The following INPP5A variants were observed in gnomAD, a reference collection of about 807,000 sequenced individuals.
INPP5A encodes 43 kDa inositol polyphosphate 5-phophatase.
In INPP5A, 14 loss-of-function variants were observed where a neutral mutation model predicts 65.2. The observed-to-expected ratio is 0.21, with a 90% CI of 0.14 to 0.34. The LOEUF (loss-of-function observed/expected upper bound fraction) is 0.34. Ranked by LOEUF, INPP5A falls within the 10% of genes least tolerant of loss-of-function variation. The pLI is 1.00. For missense variants in INPP5A, 431 were observed against 545.6 expected, an observed-to-expected ratio of 0.79 and a Z score of 2.09; for synonymous variants, 207 against 208.3, an observed-to-expected ratio of 0.99 and a Z score of 0.05.
chr10:132,751,310 G>T (rs1354371051), intron 11 of INPP5A, among the ~76,000 whole-genome samples: 1 of 152,202 alleles, frequency 6.6e-6, no homozygotes, highest in East Asian at 1.9e-4. Context: ...GTCAGGCCTT[G>T]GTGTCCTGTC....
intron 2 of INPP5A, among the ~76,000 whole-genome samples, chr10:132,635,690 C>T (rs560765762): frequency 1.5e-4 from 23 of 151,804 alleles, no homozygotes; most frequent in African/African-American, 2.9e-4. Context: ...CCATTGCGCC[C>T]GGCCCTTTTT....
chr10:132,656,282 C>G (rs574160074), intron 4 of INPP5A, among the ~76,000 whole-genome samples: 50 of 152,378 alleles, frequency 3.3e-4, no homozygotes, highest in Middle Eastern at 6.8e-3. Context: ...CCCCACTCTC[C>G]TCTTCATCCA....
At chr10:132,557,265 C>G (rs1214936841) in intron 1 of INPP5A, among the ~76,000 whole-genome samples, 1 of 152,272 alleles carries the variant, frequency 6.6e-6, no homozygotes, top group African/African-American at 2.4e-5. Context: ...GCCACTGTGA[C>G]TCCCATGGAG....
rs1358311491 is a variant in INPP5A, at chr10:132,617,996, AG to A, written c.117+10041del. On this transcript the variant is annotated intron_variant, in intron 2 of 15. Coordinates refer to ENST00000368594, the MANE Select transcript of INPP5A (RefSeq NM_005539.5). ...ATAGCTTCAGAATATTTTATGATAT[AG>A]TTAGGCCTTAATTTTTTAAAGTTGT... 8.5e-5 allele frequency among the ~76,000 whole-genome samples: 13 copies of A among 152,222 alleles called. 1 individual carries two copies. Among genetic ancestry groups the A allele is most frequent in the Admixed American group, 8.5e-4 (13 of 15,286 alleles).
intron 4 of INPP5A, among the ~76,000 whole-genome samples, chr10:132,653,895 C>T (rs1301360275): frequency 6.6e-6 from 1 of 152,224 alleles, no homozygotes; most frequent in Admixed American, 6.5e-5. Context: ...GGGCCGGGCC[C>T]CTCCCCTCAA....
chr10:132,672,454 T>C (rs1038772263), intron 4 of INPP5A, among the ~76,000 whole-genome samples: 4 of 152,120 alleles, frequency 2.6e-5, no homozygotes, highest in African/African-American at 9.7e-5. Context: ...GGTGTTCTCA[T>C]GGTGGTGGGT....
chr10:132,708,288 T>C (rs1253607664), intron 6 of INPP5A, 25 bp from the exon 7 acceptor site: 1 of 1,613,000 alleles, frequency 6.2e-7, no homozygotes, highest in Admixed American at 1.7e-5. Flanking sequence ...CTCTGGCTCA[T>C]TTGTGTGACG....
rs538348501 is a variant in INPP5A, at chr10:132,683,600, C to T, written c.307-6792C>T. On this transcript the variant is annotated intron_variant, in intron 4 of 15. Coordinates refer to ENST00000368594, the MANE Select transcript of INPP5A (RefSeq NM_005539.5). ...GTACCTGGATGCTTGTTATCTCTGA[C>T]ACACTTGCTCAGTAACACCATGCAG... 3.9e-5 allele frequency among the ~76,000 whole-genome samples: 6 copies of T among 152,378 alleles called. No homozygotes were observed. The South Asian group carries it at 1.2e-3, about 32-fold the overall frequency.
In INPP5A at chr10:132,627,990, C is replaced by T. The variant is rs1360982487; in HGVS notation, c.118-17878C>T. ...TTGATGTTGATGTCTTCACTGGTTG[C>T]CATTGCCCAGGAGGGTGTTTACAGC... On this transcript the variant is annotated intron_variant, in intron 2 of 15. Transcript: ENST00000368594. The surrounding 1 kb of genome is among the most constrained non-coding windows in gnomAD (Gnocchi z 6.6). Among the ~76,000 whole-genome samples the T allele has an allele frequency of 6.6e-6, 1 of 152,164 alleles. No individual in the cohort carries two copies. Among genetic ancestry groups the T allele is most frequent in the Non-Finnish European group, 1.5e-5 (1 of 68,034 alleles).
Position 132,749,499 on chromosome 10 carries a change from G to A in INPP5A, c.733-18G>A, listed in dbSNP as rs368787333. ...GTGGGCCCCCCTGGGACTTATCTCC[G>A]TTGCTGTCTTTCTGCAGACGCTCTG... On this transcript the variant is annotated intron_variant, in intron 9 of 15. Coordinates refer to ENST00000368594, the MANE Select transcript of INPP5A (RefSeq NM_005539.5). The A allele has an allele frequency of 3.1e-5, 50 of 1,611,744 alleles. No homozygotes were observed. The highest frequency in any genetic ancestry group is 1.6e-4 in the East Asian group (7 of 44,876).
chr10:132,719,527 T>A (rs1845820074), intron 8 of INPP5A, among the ~76,000 whole-genome samples: 1 of 150,648 alleles, frequency 6.6e-6, no homozygotes, highest in Non-Finnish European at 1.5e-5. Flanking sequence ...TAGACGGCTG[T>A]CTTGCGGGTT....
At chr10:132,737,438 G>A (rs1192779772) in intron 9 of INPP5A, among the ~76,000 whole-genome samples, 1 of 145,250 alleles carries the variant, frequency 6.9e-6, no homozygotes, top group Non-Finnish European at 1.5e-5. Context: ...TGTTAGCGCA[G>A]CCCTGTCCTC....
chr10:132,553,696 G>A (rs537549483), intron 1 of INPP5A, among the ~76,000 whole-genome samples: 33 of 139,946 alleles, frequency 2.4e-4, no homozygotes, highest in South Asian at 4.8e-4. Flanking sequence ...GCCTTGGTGT[G>A]GAATATTGAG....
At position 132,697,071 on chromosome 10, in the gene INPP5A, T is replaced by C. The variant is rs913828346; in HGVS notation, c.371-745T>C. On this transcript the variant is annotated intron_variant, in intron 5 of 15. Coordinates refer to ENST00000368594, the MANE Select transcript of INPP5A (RefSeq NM_005539.5). This position sits in a 1 kb window ranked among gnomAD's most constrained non-coding sequence, Gnocchi z 5.6. ...CAGGAACCTCGTTGACACCCAGGAGTGTCACCTCAGTGGCCCAGGAGCCAT... is the reference window on the plus strand; with the variant it reads ...CAGGAACCTCGTTGACACCCAGGAGCGTCACCTCAGTGGCCCAGGAGCCAT... 6.6e-6 allele frequency among the ~76,000 whole-genome samples: 1 copy of C among 152,056 alleles called. No homozygotes were observed. Among genetic ancestry groups the C allele is most frequent in the Non-Finnish European group, 1.5e-5 (1 of 67,996 alleles).
chr10:132,589,599 T>C (rs1338353277), intron 1 of INPP5A, among the ~76,000 whole-genome samples: 1 of 152,248 alleles, frequency 6.6e-6, no homozygotes, highest in Non-Finnish European at 1.5e-5. Context: ...TTCTTGCCGG[T>C]GTGCACTGCA....
intron 1 of INPP5A, among the ~76,000 whole-genome samples, chr10:132,578,766 C>T (rs1430557799): frequency 6.6e-6 from 1 of 151,434 alleles, no homozygotes; most frequent in African/African-American, 2.4e-5. Flanking sequence ...TGTGCAGGGG[C>T]TGGGTCTGGG....
chr10:132,609,999 A>C (rs967675909), intron 2 of INPP5A, among the ~76,000 whole-genome samples: 1 of 152,126 alleles, frequency 6.6e-6, no homozygotes, highest in Non-Finnish European at 1.5e-5. Flanking sequence ...TTTTGTCCCA[A>C]TCAAGCCAGC....
intron 2 of INPP5A, among the ~76,000 whole-genome samples, chr10:132,614,794 A>G (rs1017924487): frequency 6.6e-6 from 1 of 152,238 alleles, no homozygotes; most frequent in African/African-American, 2.4e-5. Context: ...CATGAATGCA[A>G]TCAGTGCCCT....
chr10:132,756,622 C>T (rs574284250), intron 11 of INPP5A, among the ~76,000 whole-genome samples: 142 of 152,310 alleles, frequency 9.3e-4, no homozygotes, highest in African/African-American at 3.2e-3. Context: ...CTCAGGGATG[C>T]GCAGTGTGTC....
Sources: gnomAD v4.1 joint callset for allele counts (sites outside exome capture counted in the v4.1 genomes callset) on GRCh38, gnomAD v4.1.1 for gene constraint, Gnocchi (gnomAD v3.1) non-coding constraint, MANE v1.5 for transcripts, NCBI Gene and HGNC (gene_info 2026-07-23, HGNC 2026-07-21) for gene names.